KL: variants seen among roughly 807,000 people sequenced by gnomAD.
KL encodes klotho.
Under a neutral mutation model 84.2 loss-of-function variants are expected in KL, and 62 were observed. That is an observed-to-expected ratio of 0.74 (90% CI 0.60 to 0.91). The LOEUF (loss-of-function observed/expected upper bound fraction) is 0.91, where lower values mean the gene tolerates loss of function less well. Ranked by LOEUF, KL falls within the 40% of genes least tolerant of loss-of-function variation. KL has a pLI of 0.00. For missense variants in KL, 1,261 were observed against 1,305.7 expected (o/e 0.97, Z 0.53); for synonymous variants, 528 against 528.0 (o/e 1.00, Z 0.00).
chr13:33,017,076 G>A lies in KL; in HGVS notation c.636G>A (p.Leu212=). The change falls in exon 1 of 5, where the codon CTG becomes CTA. Residue 212 remains leucine (L), a synonymous_variant. Coordinates refer to ENST00000380099, the MANE Select transcript of KL (RefSeq NM_004795.4). The part of the protein sequence containing the change: ...DAYGGWANRA[L]ADHFRDYAEL... ...ACGGCGGCTGGGCCAACCGCGCCCTGGCCGACCACTTCAGGGATTACGCGG... is the reference window on the plus strand; with the variant it reads ...ACGGCGGCTGGGCCAACCGCGCCCTAGCCGACCACTTCAGGGATTACGCGG... 1 of 1,603,754 alleles carries A rather than the reference G, an allele frequency of 6.2e-7. No individual in the cohort carries two copies. The highest frequency in any genetic ancestry group is 8.5e-7 in the Non-Finnish European group (1 of 1,179,044).
Position 33,061,208 on chromosome 13 carries a change from C to T in KL, c.2129C>T (p.Ala710Val). 6.2e-7 allele frequency: 1 copy of T among 1,614,258 alleles called. No individual in the cohort carries two copies. Among genetic ancestry groups the T allele is most frequent in the Non-Finnish European group, 8.5e-7 (1 of 1,180,054 alleles). Reference sequence around the variant, plus strand: ...AACCTTCTGAAGGCCCATGCCCTGGCTTGGCATGTGTACAATGAAAAGTTT... The same window carrying T: ...AACCTTCTGAAGGCCCATGCCCTGGTTTGGCATGTGTACAATGAAAAGTTT... ...GHNLLKAHAL[A>V]WHVYNEKFRH... Residue 710 changes from alanine to valine, a missense_variant, in exon 4 of 5, where the codon GCT becomes GTT. By Grantham distance (64) the Ala-to-Val change is moderately conservative. Coordinates refer to ENST00000380099, the MANE Select transcript of KL (RefSeq NM_004795.4).
chr13:33,059,829 C>G (rs1257187218), intron 3 of KL, among the ~76,000 whole-genome samples: 1 of 152,172 alleles, frequency 6.6e-6, no homozygotes, highest in East Asian at 1.9e-4. Context: ...GTCACTGACC[C>G]TAAACCCAAC....
intron 3 of KL, among the ~76,000 whole-genome samples, chr13:33,059,335 T>C (rs1238002625): frequency 6.6e-6 from 1 of 152,248 alleles, no homozygotes; most frequent in African/African-American, 2.4e-5. Context: ...TAGCATATGA[T>C]TGAGAACTAT....
intron 1 of KL, among the ~76,000 whole-genome samples, chr13:33,027,759 C>T (rs367832429): frequency 2.0e-5 from 3 of 152,142 alleles, no homozygotes; most frequent in South Asian, 4.1e-4. Flanking sequence ...ACTATCTGCC[C>T]CTACACAACA....
At chr13:33,062,752 C>T (rs1004668969) in intron 4 of KL, among the ~76,000 whole-genome samples, 4 of 149,816 alleles carry the variant, frequency 2.7e-5, no homozygotes, top group Non-Finnish European at 4.4e-5. Context: ...CATTTAACAA[C>T]CAGGTCCAGG....
At chr13:33,034,080 GTTAA>G (rs1479844554) in intron 1 of KL, among the ~76,000 whole-genome samples, 5 of 152,132 alleles carry the variant, frequency 3.3e-5, no homozygotes, top group African/African-American at 9.7e-5. Flanking sequence ...CTTATAGAGT[GTTAA>G]TTAACACCCC....
chr13:33,041,930 G>A (rs2516571), intron 1 of KL, among the ~76,000 whole-genome samples: 126,594 of 152,156 alleles, frequency 0.83, 52,829 homozygotes, highest in Middle Eastern at 0.89. Flanking sequence ...TCTCTGCTTT[G>A]TTTTCATTTG....
At chr13:33,021,317 G>T (rs553357910) in intron 1 of KL, among the ~76,000 whole-genome samples, 4 of 152,118 alleles carry the variant, frequency 2.6e-5, no homozygotes, top group Non-Finnish European at 5.9e-5. Context: ...AAAATTTAAG[G>T]TTCATCATCA....
intron 1 of KL, among the ~76,000 whole-genome samples, chr13:33,043,045 T>C (rs549693795): frequency 3.4e-4 from 52 of 152,226 alleles, no homozygotes; most frequent in Non-Finnish European, 7.3e-4. Context: ...TTTGGGGGGC[T>C]TATGTTGTCA....
chr13:33,059,391 A>G (rs980048793), intron 3 of KL, among the ~76,000 whole-genome samples: 1 of 152,212 alleles, frequency 6.6e-6, no homozygotes, highest in Non-Finnish European at 1.5e-5. Flanking sequence ...AAATTTTTTA[A>G]CTACGTTAAA....
At chr13:33,042,778 T>A (rs1178588686) in intron 1 of KL, among the ~76,000 whole-genome samples, 1 of 152,118 alleles carries the variant, frequency 6.6e-6, no homozygotes, top group East Asian at 1.9e-4. Context: ...GCCACGTGGG[T>A]CCAAGCGATT....
chr13:33,021,505 T>C (rs1020559330), intron 1 of KL, among the ~76,000 whole-genome samples: 2 of 152,228 alleles, frequency 1.3e-5, no homozygotes, highest in African/African-American at 4.8e-5. Context: ...GTAATTAGTA[T>C]GAGCGATTTG....
chr13:33,047,991 C>T (rs1185953708), intron 1 of KL, among the ~76,000 whole-genome samples: 1 of 152,022 alleles, frequency 6.6e-6, no homozygotes, highest in Non-Finnish European at 1.5e-5. Context: ...TGTTGTTTCT[C>T]TGTTGTTATT....
chr13:33,062,088 AT>A (rs1319555844), intron 4 of KL, among the ~76,000 whole-genome samples: 1 of 152,198 alleles, frequency 6.6e-6, no homozygotes, highest in Non-Finnish European at 1.5e-5. Flanking sequence ...GTACATAAAG[AT>A]TTAACCTTGC....
intron 1 of KL, among the ~76,000 whole-genome samples, chr13:33,041,752 C>G (rs1373823056): frequency 1.3e-5 from 2 of 152,116 alleles, no homozygotes; most frequent in East Asian, 3.9e-4. Flanking sequence ...ACCGCCTCTG[C>G]CCAATCCTCC....
intron 1 of KL, among the ~76,000 whole-genome samples, chr13:33,025,733 C>T (rs1870749207): frequency 6.6e-6 from 1 of 152,184 alleles, no homozygotes; most frequent in Admixed American, 6.5e-5. Flanking sequence ...TTTGTTCATG[C>T]CGCCCAAGAT....
At position 33,019,253 on chromosome 13, in the gene KL, T is replaced by C. The variant is rs914339396; in HGVS notation, c.819+1994T>C. Among the ~76,000 whole-genome samples, 4 of 152,166 alleles carry C rather than the reference T, an allele frequency of 2.6e-5. No individual in the cohort carries two copies. In the South Asian group the frequency reaches 8.3e-4, roughly 32 times the overall value. On this transcript the variant is annotated intron_variant, in intron 1 of 4. Coordinates refer to ENST00000380099, the MANE Select transcript of KL (RefSeq NM_004795.4). ...AGAAAGTATCTTGAATTAATTTTGT[T>C]GTATGAGATACTTTCATTCTGTTTT...
intron 1 of KL, among the ~76,000 whole-genome samples, chr13:33,044,662 TTTTTTTG>T: frequency 7.7e-6 from 1 of 129,526 alleles, no homozygotes; most frequent in South Asian, 2.7e-4. Flanking sequence ...TTTTTTTTTT[TTTTTTTG>T]AGACAGAGGC....
At chr13:33,030,343 A>G (rs530752299) in intron 1 of KL, among the ~76,000 whole-genome samples, 2 of 152,306 alleles carry the variant, frequency 1.3e-5, no homozygotes, top group South Asian at 2.1e-4. Flanking sequence ...CTAGGAATCC[A>G]TGTTGTCTCC....
Sources: gnomAD v4.1 joint callset for allele counts (sites outside exome capture counted in the v4.1 genomes callset) on GRCh38, gnomAD v4.1.1 for gene constraint, MANE v1.5 for transcripts, NCBI Gene and HGNC (gene_info 2026-07-23, HGNC 2026-07-21) for gene names.